ZDHHC17: variants seen among roughly 807,000 people sequenced by gnomAD.
ZDHHC17 encodes the protein palmitoyltransferase ZDHHC17.
In ZDHHC17, 40 loss-of-function variants were observed where a neutral mutation model predicts 90.3. The ratio of observed to expected loss-of-function variants is 0.44; its 90% CI spans 0.34 to 0.58. The LOEUF is 0.58. ZDHHC17 is among the 20% of genes least tolerant of loss of function. The pLI, the probability that ZDHHC17 is intolerant of heterozygous loss-of-function variation, is 0.01. For synonymous variants in ZDHHC17, 235 were observed against 252.4 expected (o/e 0.93, Z 0.65); for missense variants, 614 against 780.8 (o/e 0.79, Z 2.55).
rs1014316770 is a variant in ZDHHC17 at position 76,853,227 on chromosome 12, AATGGTCAG to A, written c.*2251_*2258del. On this transcript the variant is annotated 3_prime_UTR_variant, in exon 17 of 17. Transcript: ENST00000426126. ...GTACCTGTGAAATCTATAACTCAGA[AATGGTCAG>A]ATGGTCAGGAGCCAGCTATGCAGCA... The A allele has an allele frequency of 5.9e-5, 9 of 152,272 alleles. No individual in the cohort carries two copies. The highest frequency in any genetic ancestry group is 1.9e-4 in the African/African-American group (8 of 41,444). 9.4% of individuals were successfully genotyped at this position (152,272 alleles called of 1,614,324 possible).
At chr12:76,785,134 C>A (rs1170966765) in intron 1 of ZDHHC17, among the ~76,000 whole-genome samples, 1 of 152,144 alleles carries the variant, frequency 6.6e-6, no homozygotes, top group Non-Finnish European at 1.5e-5. Context: ...GAATTGGCTC[C>A]TTCTAACTTC....
At chr12:76,837,494 C>T (rs1292365958) in intron 10 of ZDHHC17, among the ~76,000 whole-genome samples, 2 of 151,854 alleles carry the variant, frequency 1.3e-5, no homozygotes, top group African/African-American at 2.4e-5. Flanking sequence ...GACCTTGTCT[C>T]TGTTAAAAAA....
chr12:76,765,580 A>G (rs540593139), intron 1 of ZDHHC17, among the ~76,000 whole-genome samples: 1 of 152,378 alleles, frequency 6.6e-6, no homozygotes, highest in African/African-American at 2.4e-5. Context: ...TTAGGCCCTA[A>G]CATACGTCAG....
In ZDHHC17 at chr12:76,836,433, C is replaced by G. The variant is rs983214803; in HGVS notation, c.1142-5549C>G. 2.6e-5 allele frequency among the ~76,000 whole-genome samples: 4 copies of G among 151,864 alleles called. No homozygotes were observed. In the East Asian group the frequency reaches 7.7e-4, roughly 29 times the overall value. ...TTTTTTAAACTCAGCTGCTGTGCCCCCCTCTCATTCCTGGTATTAATTAGA... is the reference window on the plus strand; with the variant it reads ...TTTTTTAAACTCAGCTGCTGTGCCCGCCTCTCATTCCTGGTATTAATTAGA... On this transcript the variant is annotated intron_variant, in intron 10 of 16. Coordinates refer to ENST00000426126, the MANE Select transcript of ZDHHC17 (RefSeq NM_015336.4).
intron 14 of ZDHHC17, 25 bp from the exon 15 acceptor site, chr12:76,848,208 A>G (rs1413069266): frequency 6.2e-7 from 1 of 1,612,500 alleles, no homozygotes; most frequent in Non-Finnish European, 8.5e-7. Flanking sequence ...TTGAGTAAAT[A>G]CGAGTACTTC....
At chr12:76,813,556 CAT>C (rs763505456) in intron 5 of ZDHHC17, 6 of 267,484 alleles carry the variant, frequency 2.2e-5, no homozygotes, top group Non-Finnish European at 4.4e-5. Context: ...ACATTTGAGA[CAT>C]ATTCCTATTG....
chr12:76,767,808 C>T (rs2137705389), intron 1 of ZDHHC17, among the ~76,000 whole-genome samples: 1 of 152,058 alleles, frequency 6.6e-6, no homozygotes, highest in Middle Eastern at 3.4e-3. Flanking sequence ...AATCCCAGCT[C>T]CTCAGGAGGC....
intron 2 of ZDHHC17, among the ~76,000 whole-genome samples, chr12:76,799,676 A>G (rs1413477864): frequency 6.6e-6 from 1 of 152,222 alleles, no homozygotes; most frequent in African/African-American, 2.4e-5. Context: ...TTTTAAGGTG[A>G]TCTCATCTTT....
At chr12:76,776,340 T>A (rs895727210) in intron 1 of ZDHHC17, among the ~76,000 whole-genome samples, 1 of 152,178 alleles carries the variant, frequency 6.6e-6, no homozygotes, top group East Asian at 1.9e-4. Flanking sequence ...CAGAAGGATA[T>A]ATAGTTCATG....
intron 3 of ZDHHC17, among the ~76,000 whole-genome samples, chr12:76,808,094 C>T (rs1039135737): frequency 1.3e-5 from 2 of 152,142 alleles, no homozygotes; most frequent in African/African-American, 4.8e-5. Context: ...TACTTATTTG[C>T]AGCCACAAAT....
chr12:76,793,331 C>T (rs1346961525), intron 1 of ZDHHC17, among the ~76,000 whole-genome samples: 1 of 152,148 alleles, frequency 6.6e-6, no homozygotes, highest in East Asian at 1.9e-4. Flanking sequence ...ACCAACCTGG[C>T]CAACATGGTG....
At chr12:76,830,973 G>A (rs1953292937) in intron 10 of ZDHHC17, among the ~76,000 whole-genome samples, 1 of 152,090 alleles carries the variant, frequency 6.6e-6, no homozygotes, top group African/African-American at 2.4e-5. Context: ...AATTTTGAAG[G>A]AAAGACCAGA....
chr12:76,786,153 C>T lies in ZDHHC17; in HGVS notation c.94-11281C>T, dbSNP rs60988053. ...TTTTTTTTAAAGAGATGGGATCTTGCTCTGTTGCCCAGGAGTGCAGTGGTG... is the reference window on the plus strand; with the variant it reads ...TTTTTTTTAAAGAGATGGGATCTTGTTCTGTTGCCCAGGAGTGCAGTGGTG... On this transcript the variant is annotated intron_variant, in intron 1 of 16. Coordinates refer to ENST00000426126, the MANE Select transcript of ZDHHC17 (RefSeq NM_015336.4). Among the ~76,000 whole-genome samples, 1,304 of 150,166 alleles carry T rather than the reference C, an allele frequency of 8.7e-3. 25 individuals are homozygous for T. The highest frequency in any genetic ancestry group is 0.031 in the African/African-American group (1,265 of 40,802).
intron 1 of ZDHHC17, among the ~76,000 whole-genome samples, chr12:76,790,168 TAGGA>T (rs1354366399): frequency 6.6e-6 from 1 of 152,002 alleles, no homozygotes; most frequent in African/African-American, 2.4e-5. Flanking sequence ...TTTAAAGAGA[TAGGA>T]AGAGGAGAGA....
At chr12:76,784,695 C>G (rs138957658) in intron 1 of ZDHHC17, among the ~76,000 whole-genome samples, 2 of 152,158 alleles carry the variant, frequency 1.3e-5, no homozygotes, top group South Asian at 4.1e-4. Context: ...TGCCAAAACC[C>G]TTGCATACAT....
intron 8 of ZDHHC17, among the ~76,000 whole-genome samples, chr12:76,823,167 G>A (rs1170553249): frequency 6.6e-6 from 1 of 152,046 alleles, no homozygotes; most frequent in Non-Finnish European, 1.5e-5. Context: ...TAAAAATAAA[G>A]GTTTTTCTAG....
chr12:76,828,295 T>A, intron 9 of ZDHHC17, 95 bp from the exon 10 acceptor site: 1 of 1,081,440 alleles, frequency 9.2e-7, no homozygotes, highest in Non-Finnish European at 1.3e-6. Flanking sequence ...AAACCAATGC[T>A]TACTATACAA....
chr12:76,844,633 C>T (rs1235516536), intron 12 of ZDHHC17: 1 of 152,126 alleles, frequency 6.6e-6, no homozygotes, highest in Non-Finnish European at 1.5e-5. Flanking sequence ...GCTGCCTTCT[C>T]CTAAGTAGAT....
At chr12:76,780,093 TTTATTCATCTCTTTCAAAA>T (rs1952605093) in intron 1 of ZDHHC17, among the ~76,000 whole-genome samples, 1 of 152,210 alleles carries the variant, frequency 6.6e-6, no homozygotes, top group Non-Finnish European at 1.5e-5. Context: ...TTCTTCTCAC[TTTATTCATCTCTTTCAAAA>T]TTGTTTTAGC....
Sources: gnomAD v4.1 joint callset for allele counts (sites outside exome capture counted in the v4.1 genomes callset) on GRCh38, gnomAD v4.1.1 for gene constraint, MANE v1.5 for transcripts, NCBI Gene and HGNC (gene_info 2026-07-23, HGNC 2026-07-21) for gene names.